DNAH14: variants seen among roughly 807,000 people sequenced by gnomAD.
The protein encoded by DNAH14 is dynein axonemal heavy chain 14.
DNAH14 carries 478 observed loss-of-function variants against 520.9 expected under a neutral mutation model. The observed-to-expected ratio is 0.92, with a 90% confidence interval of 0.85 to 0.99. DNAH14 has a LOEUF of 0.99. Ranked by LOEUF, DNAH14 falls within the 50% of genes least tolerant of loss-of-function variation. The pLI is 0.00. For missense variants in DNAH14, 4,831 were observed against 5,234.5 expected (o/e 0.92, Z 2.38); for synonymous variants, 1,581 against 1,757.2 (o/e 0.90, Z 2.51).
At position 225,076,829 on chromosome 1, in the gene DNAH14, T is replaced by A. The variant is rs190090053; in HGVS notation, c.2425-2378T>A. On this transcript the variant is annotated intron_variant, in intron 17 of 85. Transcript: ENST00000682510. ...TTTTATTATACTTTAAGTTCTAGGG[T>A]ACATGTGCACAATGTGCAGGTTTGA... is the stretch of plus-strand genomic sequence containing the variant. Among the ~76,000 whole-genome samples, 55 of 152,136 alleles carry A rather than the reference T, an allele frequency of 3.6e-4. 1 individual carries two copies. The highest frequency in any genetic ancestry group is 3.0e-3 in the Admixed American group (46 of 15,272).
At chr1:224,978,133 C>T (rs1002329524) in intron 8 of DNAH14, among the ~76,000 whole-genome samples, 2 of 152,220 alleles carry the variant, frequency 1.3e-5, no homozygotes, top group Admixed American at 6.5e-5. Flanking sequence ...AATAGAGCTA[C>T]CATACAAGCC....
intron 8 of DNAH14, among the ~76,000 whole-genome samples, chr1:224,981,995 G>A (rs2062304302): frequency 1.3e-5 from 2 of 152,016 alleles, no homozygotes; most frequent in African/African-American, 2.4e-5. Context: ...TAGGTCATAG[G>A]GTAAATACTA....
intron 30 of DNAH14, among the ~76,000 whole-genome samples, 189 bp downstream of exon 30, chr1:225,145,568 A>G (rs2079855404): frequency 6.6e-6 from 1 of 152,200 alleles, no homozygotes; most frequent in South Asian, 2.1e-4. Flanking sequence ...AATTTTAAAC[A>G]TATACGATGC....
At chr1:225,331,687 A>G in intron 65 of DNAH14, 110 bp downstream of exon 65, 3 of 1,394,490 alleles carry the variant, frequency 2.2e-6, no homozygotes, top group Middle Eastern at 1.8e-4. Context: ...AAAACTATCT[A>G]ACTATCCAGT....
chr1:225,397,581 T>A (rs1355316160), intron 84 of DNAH14: 2 of 152,408 alleles, frequency 1.3e-5, no homozygotes, highest in Admixed American at 6.5e-5. Context: ...CCAGCACACC[T>A]GCAGGAGAGC....
chr1:225,243,161 C>T (rs1451921744), intron 43 of DNAH14, among the ~76,000 whole-genome samples: 1 of 152,030 alleles, frequency 6.6e-6, no homozygotes, highest in African/African-American at 2.4e-5. Context: ...GCAGAAATAC[C>T]TAGAACTGTG....
chr1:225,110,807 T>G (rs753698361), intron 23 of DNAH14, among the ~76,000 whole-genome samples: 5 of 152,094 alleles, frequency 3.3e-5, no homozygotes, highest in South Asian at 4.1e-4. Context: ...TTTTGGTATA[T>G]CCCATAAGTT....
In DNAH14 at chr1:225,299,873, G is replaced by C. The variant is rs76950873; in HGVS notation, c.8470-996G>C. 4.6e-3 allele frequency among the ~76,000 whole-genome samples: 706 copies of C among 152,224 alleles called. 2 individuals are homozygous for C. The highest frequency in any genetic ancestry group is 0.012 in the East Asian group (60 of 5,178). Reference sequence around the variant, plus strand: ...CGTTAGCCCTGTGTCACCTCTGTTGGCCTCTACTGGAGAGCTCCCCACAAG... The same window carrying C: ...CGTTAGCCCTGTGTCACCTCTGTTGCCCTCTACTGGAGAGCTCCCCACAAG... On this transcript the variant is annotated intron_variant, in intron 55 of 85. Coordinates refer to ENST00000682510, the MANE Select transcript of DNAH14 (RefSeq NM_001367479.1).
chr1:225,080,769 T>A, intron 19 of DNAH14, 21 bp downstream of exon 19: 1 of 1,487,772 alleles, frequency 6.7e-7, no homozygotes, highest in Non-Finnish European at 8.9e-7. Flanking sequence ...GTTTCTCAAA[T>A]TTTCCCACCT....
Position 225,258,055 on chromosome 1 carries a change from A to C in DNAH14, c.6961A>C (p.Thr2321Pro). The change falls in exon 45 of 86, where the codon ACA becomes CCA. Residue 2321 changes from threonine (T) to proline (P), a missense_variant. Coordinates refer to ENST00000682510, the MANE Select transcript of DNAH14 (RefSeq NM_001367479.1). ...ECINYTATRDTTCLSFLMSLL... is the reference protein window; with the variant it reads ...ECINYTATRDPTCLSFLMSLL... The stretch of plus-strand genomic sequence containing the variant: ...CATTAATTATACCGCTACCAGAGAC[A>C]CAACATGCCTTTCTTTTCTCATGAG... 6.5e-7 allele frequency: 1 copy of C among 1,550,152 alleles called. No homozygotes were observed. Among genetic ancestry groups the C allele is most frequent in the Non-Finnish European group, 8.7e-7 (1 of 1,146,466 alleles).
chr1:225,003,796 A>C (rs549758644), intron 9 of DNAH14, among the ~76,000 whole-genome samples: 126 of 152,204 alleles, frequency 8.3e-4, no homozygotes, highest in African/African-American at 2.8e-3. Context: ...TCACAGAGGA[A>C]TCTCTTTGAT....
chr1:225,234,486 C>A (rs1280080016), intron 42 of DNAH14, among the ~76,000 whole-genome samples: 1 of 152,182 alleles, frequency 6.6e-6, no homozygotes, highest in African/African-American at 2.4e-5. Context: ...CTGTGCCTGG[C>A]CAGCTTTGTT....
At chr1:224,946,467 T>C (rs1158245601) in intron 1 of DNAH14, among the ~76,000 whole-genome samples, 2 of 152,128 alleles carry the variant, frequency 1.3e-5, no homozygotes, top group Non-Finnish European at 1.5e-5. Context: ...CTCGGTGTGC[T>C]GCACCCACTG....
chr1:225,312,561 G>T (rs568177741), intron 60 of DNAH14, among the ~76,000 whole-genome samples: 1 of 152,176 alleles, frequency 6.6e-6, no homozygotes, highest in African/African-American at 2.4e-5. Flanking sequence ...TGCCCATTCG[G>T]TATGATATTG....
At position 225,276,979 on chromosome 1, in the gene DNAH14, A is replaced by AAGGG. The variant is rs1491265576; in HGVS notation, c.8179-428_8179-427insGAGG. Among the ~76,000 whole-genome samples, 87 of 49,358 alleles carry AAGGG rather than the reference A, an allele frequency of 1.8e-3. 4 individuals carry two copies. Among genetic ancestry groups the AAGGG allele is most frequent in the African/African-American group, 6.9e-3 (76 of 11,072 alleles). 32.4% of individuals were successfully genotyped at this position (49,358 alleles called of 152,430 possible). A position where few individuals can be genotyped will look rare whatever the true frequency, so the allele number is the denominator to read the frequency against. Reference sequence around the variant, plus strand: ...GAAGGAAGGAAGGAAGGAAGGAAGGAAGGAAGGGAGGGAGGAAGGAAGGGA... The same window carrying AAGGG: ...GAAGGAAGGAAGGAAGGAAGGAAGGAAGGGAGGAAGGGAGGGAGGAAGGAAGGGA... On this transcript the variant is annotated intron_variant, in intron 53 of 85. Transcript: ENST00000682510.
Position 225,082,633 on chromosome 1 carries a change from G to A in DNAH14, c.3221G>A (p.Gly1074Glu). The part of the protein sequence containing the change: ...KQELPIIIAL[G>E]NPCLKPRHWE... ...GAGCTGCCTATCATTATAGCTCTGGGAAATCCCTGTCTCAAGCCAAGGCAT... is the reference window on the plus strand; with the variant it reads ...GAGCTGCCTATCATTATAGCTCTGGAAAATCCCTGTCTCAAGCCAAGGCAT... The change falls in exon 20 of 86, where the codon GGA becomes GAA. Residue 1074 changes from glycine to glutamate, a missense_variant. Gly to Glu is a moderately conservative substitution (Grantham distance 98). Transcript: ENST00000682510. 6.4e-7 allele frequency: 1 copy of A among 1,551,574 alleles called. No individual in the cohort carries two copies. The highest frequency in any genetic ancestry group is 8.7e-7 in the Non-Finnish European group (1 of 1,146,926).
chr1:225,377,620 T>G (rs1236343163), intron 79 of DNAH14, among the ~76,000 whole-genome samples, 184 bp downstream of exon 79: 2 of 151,914 alleles, frequency 1.3e-5, no homozygotes, highest in Non-Finnish European at 2.9e-5. Flanking sequence ...ATTAGCTGAG[T>G]GTAGTGGTGA....
In DNAH14 at chr1:225,147,117, T is replaced by A. The variant is rs2080024495; in HGVS notation, c.4808T>A (p.Phe1603Tyr). ...TTTTTTTAAAAGATAGTGAGAAAATTTTTCTTTGGACTAGTTCAGTCAGGA... is the reference window on the plus strand; with the variant it reads ...TTTTTTTAAAAGATAGTGAGAAAATATTTCTTTGGACTAGTTCAGTCAGGA... ...EDLDYKIVRK[F>Y]FFGLVQSGAW... Residue 1603 changes from phenylalanine (F) to tyrosine (Y), a missense_variant, in exon 31 of 86, where the codon TTT (phenylalanine) becomes TAT (tyrosine). Phe to Tyr is a conservative substitution (Grantham distance 22, BLOSUM62 3). Coordinates refer to ENST00000682510, the MANE Select transcript of DNAH14 (RefSeq NM_001367479.1). 3.3e-6 allele frequency: 5 copies of A among 1,512,276 alleles called. No individual in the cohort carries two copies. Among genetic ancestry groups the A allele is most frequent in the Non-Finnish European group, 4.4e-6 (5 of 1,134,320 alleles). 93.7% of individuals were successfully genotyped at this position (1,512,276 alleles called of 1,614,324 possible).
chr1:224,944,302 A>G (rs1042177125), intron 1 of DNAH14, among the ~76,000 whole-genome samples: 1 of 152,004 alleles, frequency 6.6e-6, no homozygotes, highest in African/African-American at 2.4e-5. Flanking sequence ...ATTTTATCTG[A>G]GACTAGGATT....
Sources: gnomAD v4.1 joint callset for allele counts (sites outside exome capture counted in the v4.1 genomes callset) on GRCh38, gnomAD v4.1.1 for gene constraint, MANE v1.5 for transcripts, NCBI Gene and HGNC (gene_info 2026-07-23, HGNC 2026-07-21) for gene names.